CPED1: variants seen among roughly 807,000 people sequenced by gnomAD.
CPED1 encodes the protein cadherin-like and PC-esterase domain-containing protein 1.
In CPED1, 114 loss-of-function variants were observed where a neutral mutation model predicts 128.2. That is an observed-to-expected ratio of 0.89 (90% CI 0.76 to 1.04). CPED1 has a LOEUF of 1.04. CPED1 is among the 50% of genes least tolerant of loss of function. The probability of loss-of-function intolerance (pLI) is 0.00; values close to 1 mark genes in which losing one functional copy is unlikely to be tolerated. For missense variants in CPED1, 1,211 were observed against 1,207.1 expected (o/e 1.00, Z -0.05); for synonymous variants, 462 against 426.7 (o/e 1.08, Z -1.02).
At chr7:121,129,088 G>A (rs1327756658) in intron 11 of CPED1, among the ~76,000 whole-genome samples, 1 of 151,342 alleles carries the variant, frequency 6.6e-6, no homozygotes, top group Non-Finnish European at 1.5e-5. Flanking sequence ...AGTGTGAAAT[G>A]CATGTTTAAT....
chr7:121,093,397 T>TATACACACACACACACACAC (rs1554433495), intron 5 of CPED1, among the ~76,000 whole-genome samples: 2 of 145,568 alleles, frequency 1.4e-5, no homozygotes, highest in Admixed American at 6.9e-5. Flanking sequence ...CCTTTTTCTG[T>TATACACACACACACACACAC]ACACACACAC....
At chr7:121,129,312 C>CATAT (rs1795598162) in intron 11 of CPED1, among the ~76,000 whole-genome samples, 1 of 13,648 alleles carries the variant, frequency 7.3e-5, no homozygotes, top group Non-Finnish European at 1.2e-4. Flanking sequence ...TATATATATA[C>CATAT]GTATATATAT....
chr7:121,114,128 C>A (rs1412382654), intron 7 of CPED1, among the ~76,000 whole-genome samples: 6 of 152,136 alleles, frequency 3.9e-5, no homozygotes, highest in Admixed American at 3.9e-4. Context: ...CCACGCCCGG[C>A]CTTATTTGAA....
chr7:121,222,802 A>G (rs1797912969), intron 16 of CPED1, among the ~76,000 whole-genome samples: 1 of 152,152 alleles, frequency 6.6e-6, no homozygotes, highest in African/African-American at 2.4e-5. Context: ...TTGCACATTG[A>G]TTTTGTATCC....
intron 16 of CPED1, among the ~76,000 whole-genome samples, chr7:121,154,399 T>G (rs553473997): frequency 1.0e-3 from 159 of 152,272 alleles, no homozygotes; most frequent in African/African-American, 3.6e-3. Flanking sequence ...GCCTTTAAAT[T>G]TTCTGTTCAG....
chr7:121,218,761 CG>C (rs1797816532), intron 16 of CPED1, among the ~76,000 whole-genome samples: 1 of 151,938 alleles, frequency 6.6e-6, no homozygotes, highest in Non-Finnish European at 1.5e-5. Flanking sequence ...ATGTAGATGA[CG>C]GGTTGATGGC....
chr7:121,034,570 A>G (rs955135641), intron 3 of CPED1, among the ~76,000 whole-genome samples: 6 of 152,102 alleles, frequency 3.9e-5, no homozygotes, highest in South Asian at 4.2e-4. Context: ...TATAAGTGAC[A>G]CTAAGCACTC....
In CPED1 at chr7:121,266,334, T is replaced by C. The variant is rs1792121738; in HGVS notation, c.2418T>C (p.Tyr806=). The part of the protein sequence containing the change: ...EWQKVHGTKF[Y]HNVNGGKTLI... ...AGAAAGTACATGGCACTAAATTCTA[T>C]CACAACGTCAATGGTGGGAAGACTT... The change falls in exon 19 of 23, where the codon TAT becomes TAC. Residue 806 remains tyrosine (Y), a synonymous_variant. Coordinates refer to ENST00000310396, the MANE Select transcript of CPED1 (RefSeq NM_024913.5). 6.2e-7 allele frequency: 1 copy of C among 1,613,054 alleles called. No individual in the cohort carries two copies. The highest frequency in any genetic ancestry group is 1.3e-5 in the African/African-American group (1 of 74,832).
chr7:121,215,928 TTAA>T (rs1212228898), intron 16 of CPED1, among the ~76,000 whole-genome samples: 8 of 151,832 alleles, frequency 5.3e-5, no homozygotes, highest in African/African-American at 1.7e-4. Context: ...AATAATAATA[TTAA>T]TAATAGTAAT....
rs567212347 is a variant in CPED1, at chr7:121,059,622, A to G, written c.541-4616A>G. On this transcript the variant is annotated intron_variant, in intron 4 of 22. Coordinates refer to ENST00000310396, the MANE Select transcript of CPED1 (RefSeq NM_024913.5). ...TTCAGGTGTTCACGCTTCCTAATAA[A>G]TTCATAATATTATTGTAGTTTTAGT... is the stretch of plus-strand genomic sequence containing the variant. Among the ~76,000 whole-genome samples the G allele has an allele frequency of 2.2e-4, 17 of 78,572 alleles. No homozygotes were observed. In the South Asian group the frequency reaches 7.7e-3, roughly 36 times the overall value. The allele number at this position is 78,572 out of a possible 152,430, so 51.5% of individuals were successfully genotyped here.
At chr7:121,144,480 G>A (rs1160863594) in intron 16 of CPED1, among the ~76,000 whole-genome samples, 1 of 152,040 alleles carries the variant, frequency 6.6e-6, no homozygotes, top group Non-Finnish European at 1.5e-5. Context: ...CCAAAGACAA[G>A]TGGATATCAT....
At chr7:121,015,576 C>T (rs1792279287) in intron 2 of CPED1, 89 bp from the exon 3 acceptor site, 1 of 1,198,348 alleles carries the variant, frequency 8.3e-7, no homozygotes, top group African/African-American at 1.6e-5. Context: ...AGAATAACTT[C>T]CCAAATAGCC....
At chr7:121,128,762 G>A (rs1371008812) in intron 11 of CPED1, among the ~76,000 whole-genome samples, 1 of 152,088 alleles carries the variant, frequency 6.6e-6, no homozygotes. Flanking sequence ...AGGGGAAAAT[G>A]CCAACATTTT....
chr7:121,119,477 A>G (rs1795333583), intron 7 of CPED1, among the ~76,000 whole-genome samples: 1 of 150,812 alleles, frequency 6.6e-6, no homozygotes, highest in African/African-American at 2.4e-5. Context: ...CAAAATTTTC[A>G]TATATAAAAA....
rs200006524 is a variant in CPED1 at position 121,266,232 on chromosome 7, G to A, written c.2316G>A (p.Leu772=). Reference sequence around the variant, plus strand: ...GCTTTCTCTTTAACTTATAGATTCTGTTCATTGGAGATTCAACCAACAGAG... The same window carrying A: ...GCTTTCTCTTTAACTTATAGATTCTATTCATTGGAGATTCAACCAACAGAG... ...LQQCLGGRKI[L]FIGDSTNRGI... is the part of the protein sequence containing the mutation. Residue 772 remains leucine (L), a synonymous_variant, in exon 19 of 23, where the codon CTG becomes CTA. Transcript: ENST00000310396. The A allele has an allele frequency of 1.2e-6, 2 of 1,608,874 alleles. No homozygotes were observed. Among genetic ancestry groups the A allele is most frequent in the South Asian group, 1.1e-5 (1 of 90,966 alleles).
At chr7:121,170,127 T>C (rs1262934929) in intron 16 of CPED1, among the ~76,000 whole-genome samples, 1 of 152,030 alleles carries the variant, frequency 6.6e-6, no homozygotes, top group Non-Finnish European at 1.5e-5. Flanking sequence ...AGCCAGTGAG[T>C]GTTTGTGGAG....
chr7:120,989,371 A>T lies in CPED1; in HGVS notation c.-231-20A>T. ...TATTCGTTACAACTATTATTATTTG[A>T]TGTCTTTTTTTAAACTCAGGTCATC... is the stretch of plus-strand genomic sequence containing the variant. On this transcript the variant is annotated intron_variant, in intron 1 of 22. Coordinates refer to ENST00000310396, the MANE Select transcript of CPED1 (RefSeq NM_024913.5). 1 of 484,060 alleles carries T rather than the reference A, an allele frequency of 2.1e-6. No homozygotes were observed. The allele number at this position is 484,060 out of a possible 1,614,324, so 30.0% of individuals were successfully genotyped here.
intron 16 of CPED1, among the ~76,000 whole-genome samples, chr7:121,194,020 CTCTATATATA>C (rs1175212728): frequency 3.8e-5 from 3 of 79,064 alleles, no homozygotes; most frequent in African/African-American, 4.9e-5. Context: ...CTCTCTCTCT[CTCTATATATA>C]TATATATATA....
intron 2 of CPED1, among the ~76,000 whole-genome samples, chr7:121,001,162 T>C (rs1021272245): frequency 1.3e-5 from 2 of 152,152 alleles, no homozygotes; most frequent in Non-Finnish European, 2.9e-5. Flanking sequence ...TTGTCCACTT[T>C]CCTTTTTGGC....
Sources: gnomAD v4.1 joint callset for allele counts (sites outside exome capture counted in the v4.1 genomes callset) on GRCh38, gnomAD v4.1.1 for gene constraint, MANE v1.5 for transcripts, NCBI Gene and HGNC (gene_info 2026-07-23, HGNC 2026-07-21) for gene names.